The following ADGRL3 variants were observed in gnomAD, a reference collection of about 807,000 sequenced individuals.
ADGRL3 encodes adhesion G protein-coupled receptor L3, also known as calcium-independent alpha-latrotoxin receptor 3.
In ADGRL3, 62 loss-of-function variants were observed where a neutral mutation model predicts 153.5. That is an observed-to-expected ratio of 0.40 (90% confidence interval 0.33 to 0.50). The LOEUF (loss-of-function observed/expected upper bound fraction) is 0.50. ADGRL3 is among the 20% of genes least tolerant of loss of function. ADGRL3 has a pLI of 0.47. For missense variants in ADGRL3, 1,641 were observed against 1,859.4 expected, an observed-to-expected ratio of 0.88 and a Z score of 2.16; for synonymous variants, 710 against 672.5, an observed-to-expected ratio of 1.06 and a Z score of -0.86.
chr4:61,517,720 C>T (rs1045791102), intron 4 of ADGRL3, among the ~76,000 whole-genome samples: 4 of 152,068 alleles, frequency 2.6e-5, no homozygotes, highest in African/African-American at 9.7e-5. Flanking sequence ...TACATCAGAG[C>T]TTCAACATTA....
intron 9 of ADGRL3, among the ~76,000 whole-genome samples, chr4:61,882,085 A>G (rs2098511930): frequency 6.6e-6 from 1 of 152,204 alleles, no homozygotes; most frequent in South Asian, 2.1e-4. Context: ...ACTTCTAGCA[A>G]TTTCACAGTA....
At chr4:61,491,073 G>A (rs2098252849) in intron 2 of ADGRL3, among the ~76,000 whole-genome samples, 1 of 152,058 alleles carries the variant, frequency 6.6e-6, no homozygotes, top group African/African-American at 2.4e-5. Flanking sequence ...AAGAACCTGT[G>A]TTATATTCAG....
At chr4:61,570,477 T>C (rs2098834106) in intron 4 of ADGRL3, among the ~76,000 whole-genome samples, 1 of 152,156 alleles carries the variant, frequency 6.6e-6, no homozygotes, top group Admixed American at 6.6e-5. Flanking sequence ...AAATTCATCT[T>C]GCTTGTCTCA....
chr4:61,438,585 T>A (rs1213977000), intron 2 of ADGRL3, among the ~76,000 whole-genome samples: 5 of 152,206 alleles, frequency 3.3e-5, no homozygotes, highest in Non-Finnish European at 5.9e-5. Context: ...AAGATGTTCC[T>A]GTCTTCACTG....
intron 2 of ADGRL3, among the ~76,000 whole-genome samples, chr4:61,484,415 A>G (rs2098167199): frequency 6.6e-6 from 1 of 152,154 alleles, no homozygotes; most frequent in African/African-American, 2.4e-5. Flanking sequence ...TCACTGCTTT[A>G]TTGGTCATCA....
chr4:61,554,961 A>G (rs1241604725), intron 4 of ADGRL3, among the ~76,000 whole-genome samples: 1 of 152,232 alleles, frequency 6.6e-6, no homozygotes, highest in Non-Finnish European at 1.5e-5. Context: ...TGTAGCAGGT[A>G]AATTGACCAG....
chr4:61,625,807 C>G (rs2092797925), intron 5 of ADGRL3, among the ~76,000 whole-genome samples: 1 of 152,010 alleles, frequency 6.6e-6, no homozygotes, highest in South Asian at 2.1e-4. Flanking sequence ...TAAAGATGAA[C>G]AGAAGTGTGG....
At chr4:61,966,237 T>C (rs1466560353) in intron 17 of ADGRL3, among the ~76,000 whole-genome samples, 7 of 152,206 alleles carry the variant, frequency 4.6e-5, no homozygotes, top group African/African-American at 1.7e-4. Context: ...AGGTACCCAA[T>C]AAATATTCTT....
chr4:61,742,435 C>A (rs1463999094), intron 8 of ADGRL3, among the ~76,000 whole-genome samples: 1 of 151,982 alleles, frequency 6.6e-6, no homozygotes, highest in Non-Finnish European at 1.5e-5. Flanking sequence ...CCCGCCACCA[C>A]GCCCGGCTAA....
At chr4:62,067,510 T>G (rs1430112067) in intron 25 of ADGRL3, among the ~76,000 whole-genome samples, 1 of 152,024 alleles carries the variant, frequency 6.6e-6, no homozygotes, top group Non-Finnish European at 1.5e-5. Flanking sequence ...AATGTAACCT[T>G]TTTTTCCTCC....
At chr4:61,599,594 A>C (rs1050300074) in intron 5 of ADGRL3, among the ~76,000 whole-genome samples, 4 of 152,156 alleles carry the variant, frequency 2.6e-5, no homozygotes, top group African/African-American at 9.7e-5. Context: ...GGGCCTCCCA[A>C]AGTGCTGAGA....
In ADGRL3 at chr4:61,907,423, T is replaced by C. The variant is rs185775396; in HGVS notation, c.1888-2137T>C. The stretch of plus-strand genomic sequence containing the variant: ...ACAGGCATGCGCCACCATGCCCAGC[T>C]AATGTTTGTATTTTCACTAGAGACA... On this transcript the variant is annotated intron_variant, in intron 11 of 26. Transcript: ENST00000683033. Among the ~76,000 whole-genome samples, 649 of 151,962 alleles carry C rather than the reference T, an allele frequency of 4.3e-3. 4 individuals are homozygous for C. The highest frequency in any genetic ancestry group is 0.015 in the African/African-American group (630 of 41,452).
chr4:61,366,888 T>C (rs1369542243), intron 1 of ADGRL3, among the ~76,000 whole-genome samples: 1 of 152,192 alleles, frequency 6.6e-6, no homozygotes, highest in East Asian at 1.9e-4. Flanking sequence ...CAATTGACTG[T>C]GAATGTCCTG....
chr4:61,608,522 A>T (rs1490094617), intron 5 of ADGRL3, among the ~76,000 whole-genome samples: 1 of 152,214 alleles, frequency 6.6e-6, no homozygotes, highest in Non-Finnish European at 1.5e-5. Context: ...AAACTCATTC[A>T]GTCCACATTT....
chr4:61,561,610 G>A (rs2098795368), intron 4 of ADGRL3, among the ~76,000 whole-genome samples: 1 of 151,950 alleles, frequency 6.6e-6, no homozygotes, highest in African/African-American at 2.4e-5. Flanking sequence ...CTTATGCTAA[G>A]TGAATATTGG....
chr4:61,591,316 T>C (rs1378090472), intron 5 of ADGRL3, among the ~76,000 whole-genome samples: 1 of 152,214 alleles, frequency 6.6e-6, no homozygotes, highest in Non-Finnish European at 1.5e-5. Flanking sequence ...ACTTAGCAAC[T>C]GTTGCAACCA....
intron 5 of ADGRL3, among the ~76,000 whole-genome samples, chr4:61,639,871 T>C (rs557575095): frequency 2.6e-5 from 4 of 152,198 alleles, no homozygotes; most frequent in Admixed American, 1.3e-4. Context: ...TCTAGATTTC[T>C]ACTTAGTCTT....
chr4:61,291,212 A>ACATG (rs1553895019), intron 1 of ADGRL3, among the ~76,000 whole-genome samples: 1 of 24,878 alleles, frequency 4.0e-5, no homozygotes, highest in Admixed American at 6.9e-4. Flanking sequence ...ACACACACAC[A>ACATG]CACACGCACA....
intron 3 of ADGRL3, among the ~76,000 whole-genome samples, chr4:61,508,563 T>A (rs1050024105): frequency 1.3e-5 from 2 of 152,208 alleles, no homozygotes; most frequent in African/African-American, 4.8e-5. Context: ...TTTCCTCATG[T>A]CATCTGTTAA....
Sources: gnomAD v4.1 joint callset for allele counts (sites outside exome capture counted in the v4.1 genomes callset) on GRCh38, gnomAD v4.1.1 for gene constraint, MANE v1.5 for transcripts, NCBI Gene and HGNC (gene_info 2026-07-23, HGNC 2026-07-21) for gene names.